TAMM41: variants seen among roughly 807,000 people sequenced by gnomAD.
The protein encoded by TAMM41 is TAM41 mitochondrial translocator assembly and maintenance homolog.
Under a neutral mutation model 44.1 loss-of-function variants are expected in TAMM41, and 36 were observed. That is an observed-to-expected ratio of 0.82 (90% CI 0.63 to 1.08). The LOEUF (loss-of-function observed/expected upper bound fraction) is 1.08, where lower values mean the gene tolerates loss of function less well. Ranked by LOEUF, TAMM41 falls within the 50% of genes least tolerant of loss-of-function variation. The pLI is 0.00. For synonymous variants in TAMM41, 164 were observed against 153.1 expected (o/e 1.07, Z -0.53); for missense variants, 417 against 404.3 (o/e 1.03, Z -0.27).
At chr3:11,827,906 C>G (rs781547699) in intron 4 of TAMM41, among the ~76,000 whole-genome samples, 2 of 152,116 alleles carry the variant, frequency 1.3e-5, no homozygotes, top group Non-Finnish European at 2.9e-5. Flanking sequence ...ACAACATGGA[C>G]AGACATGGTT....
At position 11,840,775 on chromosome 3, in the gene TAMM41, C is replaced by G. The variant is rs541095541; in HGVS notation, c.319-1461G>C. 2.0e-5 allele frequency among the ~76,000 whole-genome samples: 3 copies of G among 152,116 alleles called. No homozygotes were observed. In the East Asian group the frequency reaches 5.8e-4, roughly 29 times the overall value. ...AAGTGATAATTTAGTTCATGTTCCT[C>G]ATTTGAGAAATAAAAAACCTAAAGC... On this transcript the variant is annotated intron_variant, in intron 2 of 7. Coordinates refer to ENST00000455809, the MANE Select transcript of TAMM41 (RefSeq NM_001284401.2).
chr3:11,726,667 G>A, the TAMM41 span, among the ~76,000 whole-genome samples: 1 of 152,116 alleles, frequency 6.6e-6, no homozygotes, highest in Non-Finnish European at 1.5e-5. Flanking sequence ...GCCAGGTATT[G>A]TGGAATGTGC....
chr3:11,793,178 G>C (rs1036165371), intron 7 of TAMM41, among the ~76,000 whole-genome samples: 10 of 151,430 alleles, frequency 6.6e-5, no homozygotes, highest in Non-Finnish European at 1.3e-4. Context: ...AATTCAGTAA[G>C]CAAAAGAGAC....
intron 3 of TAMM41, among the ~76,000 whole-genome samples, chr3:11,831,644 C>A (rs114623148): frequency 0.013 from 1,959 of 152,136 alleles, 20 homozygotes; most frequent in Middle Eastern, 0.031. Context: ...ATGAGAAACT[C>A]CAAAATAAAT....
At chr3:11,768,752 G>A in the TAMM41 span, among the ~76,000 whole-genome samples, 9 of 152,128 alleles carry the variant, frequency 5.9e-5, no homozygotes, top group Non-Finnish European at 1.0e-4. Flanking sequence ...ATGAGACAAG[G>A]TTCCTGATTT....
At chr3:11,729,538 CATTTTTTTTTTTTTTTTTTTTTTT>C in the TAMM41 span, among the ~76,000 whole-genome samples, 1 of 65,526 alleles carries the variant, frequency 1.5e-5, no homozygotes, top group Non-Finnish European at 3.0e-5. Flanking sequence ...TTCTTTCTTT[CATTTTTTTTTTTTTTTTTTTTTTT>C]TTTTTTTTTT....
the TAMM41 span, among the ~76,000 whole-genome samples, chr3:11,760,950 A>G: frequency 6.6e-6 from 1 of 150,664 alleles, no homozygotes; most frequent in African/African-American, 2.4e-5. Context: ...GCAGATCATG[A>G]GGTCAGGAGA....
chr3:11,767,626 A>ATTTTTTTTTTTTT, the TAMM41 span, among the ~76,000 whole-genome samples: 312 of 60,682 alleles, frequency 5.1e-3, 77 homozygotes, highest in African/African-American at 0.022. Context: ...CACGTTGTGC[A>ATTTTTTTTTTTTT]TTTTTTTTTT....
chr3:11,825,211 C>T (rs1023213181), intron 4 of TAMM41, among the ~76,000 whole-genome samples: 11 of 152,198 alleles, frequency 7.2e-5, no homozygotes, highest in African/African-American at 2.7e-4. Context: ...GGAGCAATAA[C>T]TAGTTTGTAC....
intron 3 of TAMM41, among the ~76,000 whole-genome samples, chr3:11,834,283 A>C (rs1451325012): frequency 6.6e-6 from 1 of 152,184 alleles, no homozygotes; most frequent in East Asian, 1.9e-4. Flanking sequence ...AAAAGGCAAA[A>C]TATATTGCAA....
intron 2 of TAMM41, among the ~76,000 whole-genome samples, chr3:11,842,112 C>T (rs935801372): frequency 6.6e-5 from 10 of 152,018 alleles, no homozygotes; most frequent in African/African-American, 1.9e-4. Context: ...GAGCTTATAA[C>T]AAATGCAGAA....
intron 4 of TAMM41, among the ~76,000 whole-genome samples, chr3:11,817,728 T>C (rs2078339994): frequency 6.6e-6 from 1 of 152,224 alleles, no homozygotes; most frequent in Non-Finnish European, 1.5e-5. Context: ...TGTAGACTTG[T>C]CCTTGCCATT....
intron 2 of TAMM41, among the ~76,000 whole-genome samples, chr3:11,842,289 G>A (rs2079481244): frequency 6.6e-6 from 1 of 151,946 alleles, no homozygotes; most frequent in Non-Finnish European, 1.5e-5. Flanking sequence ...AGCTACTCGG[G>A]AGGCTGAGGC....
the TAMM41 span, among the ~76,000 whole-genome samples, chr3:11,724,091 TTTTATTTA>T: frequency 1.3e-5 from 2 of 151,456 alleles, no homozygotes; most frequent in Non-Finnish European, 2.9e-5. Context: ...ATTTTTATAT[TTTTATTTA>T]TTTATTTATT....
chr3:11,767,681 A>G, the TAMM41 span, among the ~76,000 whole-genome samples: 1 of 105,344 alleles, frequency 9.5e-6, no homozygotes, highest in South Asian at 3.4e-4. Context: ...GCTGGAGTGC[A>G]GTGGTGCAAT....
chr3:11,824,095 G>C (rs942895997), intron 4 of TAMM41, among the ~76,000 whole-genome samples: 3 of 151,978 alleles, frequency 2.0e-5, no homozygotes, highest in Admixed American at 6.5e-5. Flanking sequence ...CCAAAGTGTT[G>C]GGATTACAGG....
the TAMM41 span, among the ~76,000 whole-genome samples, chr3:11,752,121 T>C: frequency 6.6e-6 from 1 of 152,146 alleles, no homozygotes; most frequent in African/African-American, 2.4e-5. Flanking sequence ...ACTTCAAGAA[T>C]GAAGCTGCGG....
At chr3:11,754,919 C>T in the TAMM41 span, among the ~76,000 whole-genome samples, 3 of 151,812 alleles carry the variant, frequency 2.0e-5, no homozygotes, top group Non-Finnish European at 2.9e-5. Context: ...AGGCTGGTCT[C>T]GAACTCCTGA....
chr3:11,814,921 G>A (rs1006326184), intron 5 of TAMM41, among the ~76,000 whole-genome samples: 6 of 152,068 alleles, frequency 3.9e-5, no homozygotes, highest in East Asian at 1.9e-4. Context: ...CTGGGATTAC[G>A]CCTCTGCACT....
Sources: gnomAD v4.1 joint callset for allele counts (sites outside exome capture counted in the v4.1 genomes callset) on GRCh38, gnomAD v4.1.1 for gene constraint, MANE v1.5 for transcripts, NCBI Gene and HGNC (gene_info 2026-07-23, HGNC 2026-07-21) for gene names.